Variants in BNC2 observed in about 807,000 individuals in gnomAD.
BNC2 encodes basonuclin zinc finger protein 2, also known as zinc finger protein basonuclin-2.
Under a neutral mutation model 76.3 loss-of-function variants are expected in BNC2, and 20 were observed. The ratio of observed to expected loss-of-function variants is 0.26; its 90% CI spans 0.18 to 0.38. The LOEUF (loss-of-function observed/expected upper bound fraction) is 0.38. BNC2 is among the 10% of genes least tolerant of loss of function. The pLI, the probability that BNC2 is intolerant of heterozygous loss-of-function variation, is 1.00. For missense variants in BNC2, 1,382 were observed against 1,399.8 expected (o/e 0.99, Z 0.20); for synonymous variants, 582 against 514.8 (o/e 1.13, Z -1.77).
chr9:16,521,658 G>A (rs987120482), intron 5 of BNC2, among the ~76,000 whole-genome samples: 3 of 152,026 alleles, frequency 2.0e-5, no homozygotes, highest in East Asian at 1.9e-4. Flanking sequence ...TGTATTTTAC[G>A]TTTTCCTTCC....
At chr9:16,759,881 G>A (rs887717789) in intron 1 of BNC2, among the ~76,000 whole-genome samples, 2 of 151,890 alleles carry the variant, frequency 1.3e-5, no homozygotes, top group East Asian at 3.9e-4. Flanking sequence ...CTGCCACCAC[G>A]CCCGGCTAAT....
chr9:16,727,622 T>TGAAGAAACC lies in BNC2; in HGVS notation c.330+174_330+175insGGTTTCTTC. On this transcript the variant is annotated intron_variant, in intron 3 of 6. Transcript: ENST00000380672. Reference sequence around the variant, plus strand: ...TTTTAAGACGCCCTTAGGGAAACCATGAAGTAACCCTGCACATTCCAGTAA... The same window carrying TGAAGAAACC: ...TTTTAAGACGCCCTTAGGGAAACCATGAAGAAACCGAAGTAACCCTGCACATTCCAGTAA... 4 of 622,422 alleles carry TGAAGAAACC rather than the reference T, an allele frequency of 6.4e-6. No homozygotes were observed. The South Asian group carries it at 8.4e-5, about 13-fold the overall frequency. The allele number at this position is 622,422 out of a possible 1,614,324, so 38.6% of individuals were successfully genotyped here. A position where few individuals can be genotyped will look rare whatever the true frequency, so the allele number is the denominator to read the frequency against.
chr9:16,584,435 T>C (rs533402211), intron 3 of BNC2, among the ~76,000 whole-genome samples: 6 of 152,306 alleles, frequency 3.9e-5, no homozygotes, highest in Admixed American at 3.9e-4. Context: ...GTGTAAAATA[T>C]TTCTCTTCCA....
At chr9:16,870,165 A>G (rs918754238) in intron 1 of BNC2, among the ~76,000 whole-genome samples, 1 of 148,728 alleles carries the variant, frequency 6.7e-6, no homozygotes, top group Non-Finnish European at 1.5e-5. Context: ...CGCACCCGGC[A>G]CCCACGCCCA....
chr9:16,821,770 G>A (rs1262871228), intron 1 of BNC2, among the ~76,000 whole-genome samples: 1 of 152,028 alleles, frequency 6.6e-6, no homozygotes, highest in Non-Finnish European at 1.5e-5. Context: ...CCAACATGGT[G>A]AAACCTCATC....
chr9:16,741,709 A>G (rs527598507), intron 1 of BNC2, among the ~76,000 whole-genome samples: 3 of 151,828 alleles, frequency 2.0e-5, no homozygotes, highest in African/African-American at 7.2e-5. Context: ...TGTAATCCCA[A>G]CACTTTGGGA....
intron 3 of BNC2, among the ~76,000 whole-genome samples, chr9:16,686,357 A>C (rs1822978810): frequency 6.6e-6 from 1 of 152,300 alleles, no homozygotes; most frequent in East Asian, 1.9e-4. Context: ...TATCATCCCT[A>C]AATACTGCCT....
intron 1 of BNC2, among the ~76,000 whole-genome samples, chr9:16,817,952 G>A (rs374441611): frequency 1.3e-5 from 2 of 152,086 alleles, no homozygotes; most frequent in East Asian, 3.9e-4. Context: ...ATGCAAGCAT[G>A]GTTCATAAGC....
At chr9:16,632,451 T>TA (rs1821191454) in intron 3 of BNC2, among the ~76,000 whole-genome samples, 1 of 151,990 alleles carries the variant, frequency 6.6e-6, no homozygotes, top group African/African-American at 2.4e-5. Flanking sequence ...TCTGTGTATG[T>TA]AAAAGCACCA....
chr9:16,764,652 T>C lies in BNC2; in HGVS notation c.4-26167A>G, dbSNP rs111860306. 1.7e-3 allele frequency among the ~76,000 whole-genome samples: 257 copies of C among 152,088 alleles called. 2 individuals carry two copies. Among genetic ancestry groups the C allele is most frequent in the African/African-American group, 5.9e-3 (247 of 41,518 alleles). On this transcript the variant is annotated intron_variant, in intron 1 of 6. Transcript: ENST00000380672. ...ATAATTATAGCTCACATTTCCTTTC[T>C]TGAAACTACTAATATAACATTTTAA... is the stretch of plus-strand genomic sequence containing the variant.
At chr9:16,531,685 G>A (rs767462365) in intron 5 of BNC2, among the ~76,000 whole-genome samples, 3 of 151,886 alleles carry the variant, frequency 2.0e-5, no homozygotes, top group Non-Finnish European at 4.4e-5. Flanking sequence ...AGTGTGATCT[G>A]GTCAGAATTA....
chr9:16,859,717 G>A (rs990372864), intron 1 of BNC2, among the ~76,000 whole-genome samples: 7 of 152,174 alleles, frequency 4.6e-5, no homozygotes, highest in Admixed American at 1.3e-4. Flanking sequence ...AAAGGTAAAC[G>A]GGAGTTGTTA....
chr9:16,813,545 G>A (rs1349054435), intron 1 of BNC2, among the ~76,000 whole-genome samples: 1 of 152,058 alleles, frequency 6.6e-6, no homozygotes, highest in Non-Finnish European at 1.5e-5. Flanking sequence ...GATTACAGGC[G>A]TGAGCCACCG....
intron 5 of BNC2, among the ~76,000 whole-genome samples, chr9:16,457,210 A>G (rs1821470639): frequency 6.6e-6 from 1 of 152,242 alleles, no homozygotes; most frequent in South Asian, 2.1e-4. Context: ...AGAAGATCAT[A>G]TGGAACAAGG....
At chr9:16,755,241 G>A (rs1321521486) in intron 1 of BNC2, among the ~76,000 whole-genome samples, 2 of 152,188 alleles carry the variant, frequency 1.3e-5, no homozygotes. Context: ...CAAATGGAGG[G>A]AGGCAGAAGC....
chr9:16,562,583 A>ACCT (rs1309324839), intron 4 of BNC2, among the ~76,000 whole-genome samples: 1 of 152,240 alleles, frequency 6.6e-6, no homozygotes, highest in Non-Finnish European at 1.5e-5. Context: ...GATTTTGAAT[A>ACCT]CCTTCTACAT....
intron 1 of BNC2, among the ~76,000 whole-genome samples, chr9:16,848,610 A>G (rs904693665): frequency 6.6e-6 from 1 of 152,194 alleles, no homozygotes; most frequent in Non-Finnish European, 1.5e-5. Context: ...AAGGCCTGCT[A>G]AGGACCCTCT....
At chr9:16,511,377 C>T (rs1395185541) in intron 5 of BNC2, among the ~76,000 whole-genome samples, 1 of 146,646 alleles carries the variant, frequency 6.8e-6, no homozygotes, top group African/African-American at 2.5e-5. Flanking sequence ...TCCCAAAGCA[C>T]TGGGATCACA....
chr9:16,849,658 C>T (rs1489696390), intron 1 of BNC2, among the ~76,000 whole-genome samples: 1 of 152,030 alleles, frequency 6.6e-6, no homozygotes, highest in African/African-American at 2.4e-5. Context: ...CGCACCTGAC[C>T]CCATGCAAAA....
Sources: allele counts gnomAD v4.1 joint callset (sites outside exome capture counted in the v4.1 genomes callset), GRCh38; gene constraint gnomAD v4.1.1; transcripts MANE v1.5; gene names NCBI Gene and HGNC (gene_info 2026-07-23, HGNC 2026-07-21).